PAMR1: variants seen among roughly 807,000 people sequenced by gnomAD.
The protein encoded by PAMR1 is inactive serine protease PAMR1.
Under a neutral mutation model 81.8 loss-of-function variants are expected in PAMR1, and 88 were observed. The ratio of observed to expected loss-of-function variants is 1.08; its 90% confidence interval spans 0.91 to 1.28. The LOEUF (loss-of-function observed/expected upper bound fraction) is 1.28. Ranked by LOEUF, PAMR1 falls within the 50% of genes most tolerant of loss-of-function variation. The pLI, the probability that PAMR1 is intolerant of heterozygous loss-of-function variation, is 0.00. For synonymous variants in PAMR1, 336 were observed against 345.3 expected (o/e 0.97, Z 0.30); for missense variants, 935 against 919.7 (o/e 1.02, Z -0.21).
chr11:35,505,730 T>C (rs1271995720), intron 1 of PAMR1, among the ~76,000 whole-genome samples: 1 of 152,164 alleles, frequency 6.6e-6, no homozygotes, highest in Non-Finnish European at 1.5e-5. Context: ...CCCTTCACAT[T>C]CAGTCTGTAT....
intron 6 of PAMR1, among the ~76,000 whole-genome samples, chr11:35,443,190 T>C (rs1010267009): frequency 6.6e-6 from 1 of 152,018 alleles, no homozygotes; most frequent in Non-Finnish European, 1.5e-5. Context: ...CTTTTTTTTT[T>C]TCCTTCCTTC....
In PAMR1 at chr11:35,432,656, C is replaced by G; in HGVS notation, c.1863G>C (p.Val621=). 2 of 1,613,654 alleles carry G rather than the reference C, an allele frequency of 1.2e-6. No homozygotes were observed. Among genetic ancestry groups the G allele is most frequent in the Non-Finnish European group, 1.7e-6 (2 of 1,179,620 alleles). Residue 621 remains valine (V), a synonymous_variant, in exon 11 of 11, where the codon GTG becomes GTC. Coordinates refer to ENST00000619888, the MANE Select transcript of PAMR1 (RefSeq NM_001001991.3). ...ACAGCAGCGAGTCCACCACACTGACCACCCCAGAGCGCAGTGTGTCGTTCT... is the reference window on the plus strand; with the variant it reads ...ACAGCAGCGAGTCCACCACACTGACGACCCCAGAGCGCAGTGTGTCGTTCT... The part of the protein sequence containing the change: ...GFKNDTLRSG[V]VSVVDSLLCE...
chr11:35,484,255 A>C (rs1177259915), intron 3 of PAMR1, among the ~76,000 whole-genome samples: 1 of 152,258 alleles, frequency 6.6e-6, no homozygotes, highest in Non-Finnish European at 1.5e-5. Context: ...ACTGAGATTC[A>C]CAAAGATTGG....
At chr11:35,470,250 C>T (rs1271640752) in intron 5 of PAMR1, among the ~76,000 whole-genome samples, 1 of 152,142 alleles carries the variant, frequency 6.6e-6, no homozygotes, top group African/African-American at 2.4e-5. Context: ...GGATTTAAAG[C>T]CAATGCTCCC....
intron 6 of PAMR1, among the ~76,000 whole-genome samples, chr11:35,454,268 C>G (rs999138362): frequency 2.0e-5 from 3 of 152,220 alleles, no homozygotes; most frequent in African/African-American, 7.2e-5. Flanking sequence ...GGCCACCACC[C>G]TGTACTTCAT....
chr11:35,466,901 G>A (rs1226682959), intron 6 of PAMR1, among the ~76,000 whole-genome samples: 2 of 151,986 alleles, frequency 1.3e-5, no homozygotes, highest in Non-Finnish European at 2.9e-5. Context: ...TCTATTTTCT[G>A]TGTTTCTGTG....
In PAMR1 at chr11:35,446,643, G is replaced by A. The variant is rs537003254; in HGVS notation, c.821-4950C>T. Reference sequence around the variant, plus strand: ...TTGTTCAATTTCCATATAATTGTGTGGTTGAGTGAGTTTCTTAATCTTGCA... The same window carrying A: ...TTGTTCAATTTCCATATAATTGTGTAGTTGAGTGAGTTTCTTAATCTTGCA... On this transcript the variant is annotated intron_variant, in intron 6 of 10. Coordinates refer to ENST00000619888, the MANE Select transcript of PAMR1 (RefSeq NM_001001991.3). Among the ~76,000 whole-genome samples the A allele has an allele frequency of 2.0e-5, 3 of 152,188 alleles. No homozygotes were observed. The South Asian group carries it at 6.2e-4, about 32-fold the overall frequency.
At chr11:35,522,112 CA>C (rs1374301620) in intron 1 of PAMR1, among the ~76,000 whole-genome samples, 1 of 152,064 alleles carries the variant, frequency 6.6e-6, no homozygotes, top group African/African-American at 2.4e-5. Flanking sequence ...TTAGTAGAGA[CA>C]GGGTTTCACT....
intron 1 of PAMR1, among the ~76,000 whole-genome samples, chr11:35,504,166 T>C (rs1352745669): frequency 6.6e-6 from 1 of 152,142 alleles, no homozygotes; most frequent in African/African-American, 2.4e-5. Context: ...TTGATGCATG[T>C]ATCATGTCTG....
chr11:35,466,958 T>TAA (rs1856769148), intron 6 of PAMR1, among the ~76,000 whole-genome samples: 1 of 151,990 alleles, frequency 6.6e-6, no homozygotes, highest in Non-Finnish European at 1.5e-5. Context: ...TCCAATGGCC[T>TAA]GTACTTGTGA....
chr11:35,499,760 A>C (rs1850795572), intron 1 of PAMR1, among the ~76,000 whole-genome samples: 1 of 152,034 alleles, frequency 6.6e-6, no homozygotes, highest in African/African-American at 2.4e-5. Context: ...TCTTTACTTC[A>C]TTATTATTTA....
chr11:35,483,021 G>T (rs1170604100), intron 3 of PAMR1, among the ~76,000 whole-genome samples: 2 of 152,026 alleles, frequency 1.3e-5, no homozygotes, highest in Admixed American at 6.6e-5. Flanking sequence ...CTTTTGACTG[G>T]TTGTTCTCTT....
intron 6 of PAMR1, among the ~76,000 whole-genome samples, chr11:35,454,693 G>T (rs1210630751): frequency 6.6e-6 from 1 of 152,176 alleles, no homozygotes; most frequent in Non-Finnish European, 1.5e-5. Context: ...ATATCACAAA[G>T]AGGTAGCTGT....
intron 1 of PAMR1, among the ~76,000 whole-genome samples, chr11:35,518,536 G>A (rs1590400792): frequency 7.3e-6 from 1 of 136,374 alleles, no homozygotes; most frequent in Non-Finnish European, 1.6e-5. Context: ...CCACTGGATG[G>A]TATAAAGGAA....
At chr11:35,470,164 C>T (rs536238220) in intron 5 of PAMR1, among the ~76,000 whole-genome samples, 1 of 152,242 alleles carries the variant, frequency 6.6e-6, no homozygotes, top group African/African-American at 2.4e-5. Flanking sequence ...ACTATTACTC[C>T]CTTATCACTC....
chr11:35,472,414 CA>C (rs557522483), intron 4 of PAMR1, among the ~76,000 whole-genome samples: 40 of 152,366 alleles, frequency 2.6e-4, no homozygotes, highest in Admixed American at 3.9e-4. Flanking sequence ...TAGGTGCTGT[CA>C]GCATAGCAGT....
chr11:35,471,055 G>C (rs1850166159), intron 4 of PAMR1, among the ~76,000 whole-genome samples: 2 of 152,178 alleles, frequency 1.3e-5, no homozygotes, highest in African/African-American at 4.8e-5. Context: ...GGAGCAAGGT[G>C]CCATAATCCA....
At chr11:35,487,996 C>T (rs967862567) in intron 3 of PAMR1, among the ~76,000 whole-genome samples, 1 of 152,140 alleles carries the variant, frequency 6.6e-6, no homozygotes. Context: ...TCTTTTCCTC[C>T]TGTCTCAGCC....
At chr11:35,452,311 A>G (rs1405488012) in intron 6 of PAMR1, among the ~76,000 whole-genome samples, 1 of 152,240 alleles carries the variant, frequency 6.6e-6, no homozygotes, top group Non-Finnish European at 1.5e-5. Context: ...CTCAGAATGA[A>G]GCAAAAAGAG....
Sources: gnomAD v4.1 joint callset for allele counts (sites outside exome capture counted in the v4.1 genomes callset) on GRCh38, gnomAD v4.1.1 for gene constraint, MANE v1.5 for transcripts, NCBI Gene and HGNC (gene_info 2026-07-23, HGNC 2026-07-21) for gene names.